The following RBM20 variants were observed in gnomAD, a reference collection of about 807,000 sequenced individuals.
RBM20 encodes RNA binding motif protein 20.
A neutral mutation model predicts 110.1 loss-of-function variants in RBM20; 51 were observed. The observed-to-expected ratio is 0.46, with a 90% CI of 0.37 to 0.59. The LOEUF (loss-of-function observed/expected upper bound fraction) is 0.59, where lower values mean the gene tolerates loss of function less well. Among genes scored for constraint, RBM20 ranks in the 20% least tolerant of loss-of-function variants. The pLI, the probability that RBM20 is intolerant of heterozygous loss-of-function variation, is 0.00. For synonymous variants in RBM20, 589 were observed against 618.2 expected, an observed-to-expected ratio of 0.95 and a Z score of 0.70; for missense variants, 1,512 against 1,574.9, an observed-to-expected ratio of 0.96 and a Z score of 0.68.
At chr10:110,673,655 T>TA (rs1862292620) in intron 1 of RBM20, among the ~76,000 whole-genome samples, 1 of 152,210 alleles carries the variant, frequency 6.6e-6, no homozygotes, top group Non-Finnish European at 1.5e-5. Context: ...GAGGAGAGCT[T>TA]AGAAGGTACT....
rs149962935 is a variant in RBM20 at position 110,755,554 on chromosome 10, T to G, written c.192-25247T>G. ...ATTTTACAATTGTGTTTAATATTTATTTACAATTTAATAATTGTGTTATGT... is the reference window on the plus strand; with the variant it reads ...ATTTTACAATTGTGTTTAATATTTAGTTACAATTTAATAATTGTGTTATGT... On this transcript the variant is annotated intron_variant, in intron 1 of 13. Coordinates refer to ENST00000369519, the MANE Select transcript of RBM20 (RefSeq NM_001134363.3). 2.3e-3 allele frequency among the ~76,000 whole-genome samples: 345 copies of G among 152,358 alleles called. 1 individual carries two copies. Among genetic ancestry groups the G allele is most frequent in the African/African-American group, 7.7e-3 (320 of 41,582 alleles).
intron 1 of RBM20, among the ~76,000 whole-genome samples, chr10:110,684,512 A>C (rs1475068125): frequency 6.6e-6 from 1 of 152,216 alleles, no homozygotes; most frequent in Non-Finnish European, 1.5e-5. Flanking sequence ...AAAAAACAAC[A>C]ACCAAAAAAT....
intron 1 of RBM20, among the ~76,000 whole-genome samples, chr10:110,754,213 T>G (rs1016133484): frequency 6.6e-6 from 1 of 152,250 alleles, no homozygotes; most frequent in East Asian, 1.9e-4. Flanking sequence ...TGAGATATTT[T>G]TTAGTCTAAG....
intron 1 of RBM20, among the ~76,000 whole-genome samples, chr10:110,662,798 C>A (rs757702131): frequency 2.0e-5 from 3 of 152,152 alleles, no homozygotes; most frequent in Non-Finnish European, 2.9e-5. Flanking sequence ...AGTAAAGGAT[C>A]GCCCTCCTTC....
intron 1 of RBM20, among the ~76,000 whole-genome samples, chr10:110,717,950 C>T (rs1445510067): frequency 1.3e-5 from 2 of 152,224 alleles, no homozygotes; most frequent in African/African-American, 4.8e-5. Flanking sequence ...GAAACAATCC[C>T]TTTTGCACAT....
intron 9 of RBM20, among the ~76,000 whole-genome samples, chr10:110,816,648 T>G (rs1844844813): frequency 6.6e-6 from 1 of 152,204 alleles, no homozygotes; most frequent in Non-Finnish European, 1.5e-5. Flanking sequence ...CAGCTCCAGG[T>G]GTAAACTTCA....
At chr10:110,776,869 A>T (rs1189781049) in intron 1 of RBM20, among the ~76,000 whole-genome samples, 1 of 152,180 alleles carries the variant, frequency 6.6e-6, no homozygotes, top group Admixed American at 6.5e-5. Context: ...AAGCTCCTGC[A>T]TTGGAGTGGG....
intron 13 of RBM20, among the ~76,000 whole-genome samples, chr10:110,833,514 G>C (rs374987713): frequency 1.3e-5 from 2 of 151,744 alleles, no homozygotes; most frequent in Non-Finnish European, 2.9e-5. Context: ...TCTGATAGTC[G>C]ATGTGAGAAC....
intron 1 of RBM20, among the ~76,000 whole-genome samples, chr10:110,736,820 A>AG (rs1265829491): frequency 6.6e-6 from 1 of 152,118 alleles, no homozygotes; most frequent in Non-Finnish European, 1.5e-5. Context: ...GGTGGTATTA[A>AG]GAGGTGGAGC....
At chr10:110,713,864 C>T (rs535828571) in intron 1 of RBM20, among the ~76,000 whole-genome samples, 84 of 152,140 alleles carry the variant, frequency 5.5e-4, no homozygotes, top group Non-Finnish European at 9.8e-4. Flanking sequence ...TGTGCCAGTG[C>T]GTTTTCCAGC....
intron 1 of RBM20, among the ~76,000 whole-genome samples, chr10:110,694,689 A>G (rs1365312523): frequency 6.8e-6 from 1 of 147,920 alleles, no homozygotes; most frequent in Non-Finnish European, 1.5e-5. Flanking sequence ...GGGTTAAGAT[A>G]GCAATTTCCA....
At chr10:110,703,649 T>C (rs1862792290) in intron 1 of RBM20, among the ~76,000 whole-genome samples, 1 of 152,206 alleles carries the variant, frequency 6.6e-6, no homozygotes, top group Non-Finnish European at 1.5e-5. Flanking sequence ...TTATCACACA[T>C]GTAGGTTCAT....
chr10:110,730,682 G>C (rs1317450338), intron 1 of RBM20, among the ~76,000 whole-genome samples: 3 of 152,234 alleles, frequency 2.0e-5, no homozygotes, highest in Admixed American at 1.3e-4. Context: ...AAAGTTCATT[G>C]CGGTGGGATT....
chr10:110,752,611 T>C (rs1000120533), intron 1 of RBM20, among the ~76,000 whole-genome samples: 2 of 152,220 alleles, frequency 1.3e-5, no homozygotes, highest in African/African-American at 4.8e-5. Context: ...GATAAATATG[T>C]ACTTATTTTT....
chr10:110,650,771 C>T (rs1241720591), intron 1 of RBM20, among the ~76,000 whole-genome samples: 1 of 152,198 alleles, frequency 6.6e-6, no homozygotes, highest in Non-Finnish European at 1.5e-5. Context: ...CTGTGGACTC[C>T]TTCCCGAATA....
intron 1 of RBM20, among the ~76,000 whole-genome samples, chr10:110,745,837 A>G (rs934454551): frequency 9.2e-5 from 14 of 152,246 alleles, no homozygotes; most frequent in African/African-American, 2.2e-4. Context: ...AAGGTTTACC[A>G]TATGGAAATA....
At chr10:110,770,750 T>G (rs912823235) in intron 1 of RBM20, among the ~76,000 whole-genome samples, 4 of 152,202 alleles carry the variant, frequency 2.6e-5, no homozygotes, top group Non-Finnish European at 1.5e-5. Flanking sequence ...GAAAAAAATA[T>G]CGGTGATGTA....
At chr10:110,701,753 C>T (rs1033431018) in intron 1 of RBM20, among the ~76,000 whole-genome samples, 5 of 152,192 alleles carry the variant, frequency 3.3e-5, no homozygotes, top group African/African-American at 1.2e-4. Flanking sequence ...ACTTGATAAT[C>T]TGAAAATCTC....
intron 1 of RBM20, among the ~76,000 whole-genome samples, chr10:110,746,203 G>T (rs192839217): frequency 6.6e-6 from 1 of 152,280 alleles, no homozygotes; most frequent in East Asian, 1.9e-4. Flanking sequence ...TCTTCCAAGA[G>T]GGTGAGGGGC....
Sources: gnomAD v4.1 joint callset for allele counts (sites outside exome capture counted in the v4.1 genomes callset) on GRCh38, gnomAD v4.1.1 for gene constraint, MANE v1.5 for transcripts, NCBI Gene and HGNC (gene_info 2026-07-23, HGNC 2026-07-21) for gene names.